KIF2C: variants seen among roughly 807,000 people sequenced by gnomAD.
KIF2C encodes kinesin family member 2C.
KIF2C carries 34 observed loss-of-function variants against 97.4 expected under a neutral mutation model. The observed-to-expected ratio is 0.35, with a 90% confidence interval of 0.27 to 0.46. The LOEUF (loss-of-function observed/expected upper bound fraction) is 0.46, where lower values mean the gene tolerates loss of function less well. Among genes scored for constraint, KIF2C ranks in the 20% least tolerant of loss-of-function variants. The pLI, the probability that KIF2C is intolerant of heterozygous loss-of-function variation, is 1.00. For missense variants in KIF2C, 750 were observed against 907.6 expected, an observed-to-expected ratio of 0.83 and a Z score of 2.23; for synonymous variants, 313 against 318.2, an observed-to-expected ratio of 0.98 and a Z score of 0.17.
rs937481921 is a variant in KIF2C at position 44,749,295 on chromosome 1, G to A, written c.317-1147G>A. Reference sequence around the variant, plus strand: ...CTAAAAATACAAAAATTAGCCAGGCGTGGTGGTGGGTGCCTGTAATCCCAG... The same window carrying A: ...CTAAAAATACAAAAATTAGCCAGGCATGGTGGTGGGTGCCTGTAATCCCAG... On this transcript the variant is annotated intron_variant, in intron 4 of 20. Transcript: ENST00000372224. Among the ~76,000 whole-genome samples, 9 of 152,242 alleles carry A rather than the reference G, an allele frequency of 5.9e-5. No individual in the cohort carries two copies. In the East Asian group the frequency reaches 7.7e-4, roughly 13 times the overall value.
chr1:44,762,175 C>G, intron 17 of KIF2C, 171 bp from the exon 18 acceptor site: 1 of 846,072 alleles, frequency 1.2e-6, no homozygotes, highest in South Asian at 1.4e-5. Flanking sequence ...GGAGAGTCAG[C>G]TGGGTGAGGG....
intron 10 of KIF2C, 78 bp downstream of exon 10, chr1:44,756,315 T>G (rs1649829630): frequency 1.4e-6 from 2 of 1,400,318 alleles, no homozygotes; most frequent in Non-Finnish European, 2.0e-6. Context: ...GTAACACTAC[T>G]CACAGACGTG....
rs569763471 is a variant in KIF2C, at chr1:44,760,518, A to G, written c.1572+34A>G. The G allele has an allele frequency of 3.7e-6, 6 of 1,612,410 alleles. No individual in the cohort carries two copies. The highest frequency in any genetic ancestry group is 3.3e-5 in the Admixed American group (2 of 59,720). ...GCAGCTAGAGCTGGTTGGCCGGGAG[A>G]GCTACTGGGAAGGGATGGGGAGGGA... On this transcript the variant is annotated intron_variant, in intron 15 of 20. Transcript: ENST00000372224. The surrounding 1 kb of genome is among the most constrained non-coding windows in gnomAD (Gnocchi z 4.2).
chr1:44,760,934 G>A lies in KIF2C; in HGVS notation c.1683+232G>A. 1 of 503,914 alleles carries A rather than the reference G, an allele frequency of 2.0e-6. No individual in the cohort carries two copies. The highest frequency in any genetic ancestry group is 2.2e-5 in the South Asian group (1 of 44,786). The allele number at this position is 503,914 out of a possible 1,614,324, so 31.2% of individuals were successfully genotyped here. ...TTTAAGATGTGTAGGTGCAGCTCTT[G>A]GTTTGGGAGAGGTCATTCCTGCATT... On this transcript the variant is annotated intron_variant, in intron 16 of 20. Transcript: ENST00000372224. The surrounding 1 kb of genome is among the most constrained non-coding windows in gnomAD (Gnocchi z 4.2).
intron 13 of KIF2C, 71 bp from the exon 14 acceptor site, chr1:44,759,135 G>A: frequency 6.3e-7 from 1 of 1,596,152 alleles, no homozygotes; most frequent in African/African-American, 1.3e-5. Flanking sequence ...GGGCAGGCTA[G>A]TAGGAGGAAG....
chr1:44,753,758 G>A lies in KIF2C; in HGVS notation c.588G>A (p.Lys196=). Residue 196 remains lysine (K), a synonymous_variant, in exon 7 of 21, where the codon AAG becomes AAA. Transcript: ENST00000372224. ...TTCGGAGGAAATCATGTCTTGTGAA[G>A]GAAGTGGAAAAAATGAAGAACAAGC... The part of the protein sequence containing the change: ...NSVRRKSCLV[K]EVEKMKNKRE... The A allele has an allele frequency of 6.2e-7, 1 of 1,609,408 alleles. No individual in the cohort carries two copies. Among genetic ancestry groups the A allele is most frequent in the Non-Finnish European group, 8.5e-7 (1 of 1,177,980 alleles).
In KIF2C at chr1:44,740,013, G is replaced by T. The variant is rs752724211; in HGVS notation, c.70+11G>T. The T allele has an allele frequency of 4.3e-6, 7 of 1,614,190 alleles. No homozygotes were observed. In the South Asian group the frequency reaches 6.6e-5, roughly 15 times the overall value. Reference sequence around the variant, plus strand: ...TCCAACGCAGTAATGGTGAGGAGCGGGGTCCCTAGGTCAAGGGGACTCGTG... The same window carrying T: ...TCCAACGCAGTAATGGTGAGGAGCGTGGTCCCTAGGTCAAGGGGACTCGTG... On this transcript the variant is annotated intron_variant, in intron 1 of 20. Transcript: ENST00000372224.
At chr1:44,740,137 G>C in intron 1 of KIF2C, 135 bp downstream of exon 1, 1 of 1,060,234 alleles carries the variant, frequency 9.4e-7, no homozygotes, top group Non-Finnish European at 1.5e-6. Context: ...ACTCACTCCG[G>C]GTCTCTGCAC....
In KIF2C at chr1:44,762,375, C is replaced by G. The variant is rs766779481; in HGVS notation, c.1781C>G (p.Pro594Arg). The change falls in exon 18 of 21, where the codon CCC becomes CGC. Residue 594 changes from proline to arginine, a missense_variant. Coordinates refer to ENST00000372224, the MANE Select transcript of KIF2C (RefSeq NM_006845.4). ...RVKELSPHSGPSGEQLIQMET... is the reference protein window; with the variant it reads ...RVKELSPHSGRSGEQLIQMET... ...AAGGAGCTGAGCCCCCACAGTGGGC[C>G]CAGTGGAGAGCAGTTGATTCAAATG... 3 of 1,613,832 alleles carry G rather than the reference C, an allele frequency of 1.9e-6. No individual in the cohort carries two copies. In the African/African-American group the frequency reaches 4.0e-5, roughly 22 times the overall value.
chr1:44,764,082 C>G (rs1442618371), intron 19 of KIF2C, among the ~76,000 whole-genome samples: 4 of 151,866 alleles, frequency 2.6e-5, no homozygotes, highest in Non-Finnish European at 5.9e-5. Context: ...TGTCCGTGTT[C>G]ATGGGATTGG....
intron 19 of KIF2C, among the ~76,000 whole-genome samples, chr1:44,765,465 A>G (rs964899183): frequency 5.3e-5 from 8 of 151,598 alleles, no homozygotes; most frequent in South Asian, 2.1e-4. Context: ...TAATAATAAA[A>G]AAAGAAAGAA....
intron 4 of KIF2C, 148 bp from the exon 5 acceptor site, chr1:44,750,294 T>C (rs914250548): frequency 4.7e-5 from 39 of 834,436 alleles, no homozygotes; most frequent in Middle Eastern, 4.2e-4. Context: ...GTCTTTCTAA[T>C]TTTTCCTTTC....
intron 5 of KIF2C, among the ~76,000 whole-genome samples, chr1:44,752,849 T>C (rs922928224): frequency 1.3e-5 from 2 of 152,176 alleles, no homozygotes; most frequent in Non-Finnish European, 2.9e-5. Flanking sequence ...CATGCTTGGG[T>C]GAAGTCTAAA....
At chr1:44,748,940 A>G (rs1245158303) in intron 4 of KIF2C, among the ~76,000 whole-genome samples, 1 of 151,948 alleles carries the variant, frequency 6.6e-6, no homozygotes, top group Non-Finnish European at 1.5e-5. Flanking sequence ...TCAGCCTCCC[A>G]AAGTGCTGGG....
chr1:44,752,443 ATTTTAAGAT>A (rs1649581791), intron 5 of KIF2C, among the ~76,000 whole-genome samples: 1 of 152,154 alleles, frequency 6.6e-6, no homozygotes, highest in Non-Finnish European at 1.5e-5. Flanking sequence ...TATAAATTGA[ATTTTAAGAT>A]TTTTTAAGTG....
rs1440184422 is a variant in KIF2C at position 44,756,112 on chromosome 1, T to G, written c.852T>G (p.Pro284=). ...AKKEIDVISI[P]SKCLLLVHEP... ...AAGAAATTGATGTGATTTCCATTCC[T>G]AGCAAGTGTCTCCTCTTGGTACATG... is the stretch of plus-strand genomic sequence containing the variant. Residue 284 remains proline (P), a synonymous_variant, in exon 10 of 21, where the codon CCT becomes CCG. Coordinates refer to ENST00000372224, the MANE Select transcript of KIF2C (RefSeq NM_006845.4). 1 of 1,614,216 alleles carries G rather than the reference T, an allele frequency of 6.2e-7. No individual in the cohort carries two copies. The highest frequency in any genetic ancestry group is 8.5e-7 in the Non-Finnish European group (1 of 1,180,032).
chr1:44,765,869 A>C (rs968153908), intron 19 of KIF2C, among the ~76,000 whole-genome samples: 3 of 152,074 alleles, frequency 2.0e-5, no homozygotes, highest in Non-Finnish European at 4.4e-5. Context: ...CTGGCTAACA[A>C]GGTGAAATCT....
At chr1:44,740,628 C>T (rs1012654362) in intron 1 of KIF2C, among the ~76,000 whole-genome samples, 3 of 152,118 alleles carry the variant, frequency 2.0e-5, no homozygotes, top group Non-Finnish European at 4.4e-5. Flanking sequence ...TGTATGTTCT[C>T]TTTTGTAGGC....
intron 2 of KIF2C, among the ~76,000 whole-genome samples, chr1:44,743,734 G>A (rs1186334233): frequency 6.6e-6 from 1 of 152,178 alleles, no homozygotes; most frequent in Non-Finnish European, 1.5e-5. Flanking sequence ...CAGGGCTACA[G>A]TGAGCCACTA....
Sources: gnomAD v4.1 joint callset for allele counts (sites outside exome capture counted in the v4.1 genomes callset) on GRCh38, gnomAD v4.1.1 for gene constraint, Gnocchi (gnomAD v3.1) non-coding constraint, MANE v1.5 for transcripts, NCBI Gene and HGNC (gene_info 2026-07-23, HGNC 2026-07-21) for gene names.